Variants in FIP1L1 observed in about 807,000 individuals in gnomAD.
FIP1L1 encodes the protein pre-mRNA 3'-end-processing factor FIP1.
FIP1L1 carries 21 observed loss-of-function variants against 84.6 expected under a neutral mutation model. The observed-to-expected ratio is 0.25, with a 90% confidence interval of 0.18 to 0.36. The LOEUF (loss-of-function observed/expected upper bound fraction) is 0.36. Ranked by LOEUF, FIP1L1 falls within the 10% of genes least tolerant of loss-of-function variation. The probability of loss-of-function intolerance (pLI) is 1.00; values close to 1 mark genes in which losing one functional copy is unlikely to be tolerated. For synonymous variants in FIP1L1, 263 were observed against 242.3 expected (o/e 1.09, Z -0.80); for missense variants, 526 against 751.1 (o/e 0.70, Z 3.50).
Position 53,444,066 on chromosome 4 carries a change from T to C in FIP1L1, c.1248T>C (p.Tyr416=), listed in dbSNP as rs943412381. Residue 416 remains tyrosine, a synonymous_variant, in exon 15 of 18, where the codon TAT becomes TAC. Coordinates refer to ENST00000337488, the MANE Select transcript of FIP1L1 (RefSeq NM_030917.4). ...TCAACAGTGGACATTCCTCTGGTTA[T>C]GATAGTCGTTCTGCACGTGCATTTC... ...PTIESGHSSG[Y]DSRSARAFPY... 15 of 1,607,474 alleles carry C rather than the reference T, an allele frequency of 9.3e-6. No homozygotes were observed. The highest frequency in any genetic ancestry group is 1.7e-4 in the Middle Eastern group (1 of 6,036).
Position 53,425,981 on chromosome 4 carries a change from A to G in FIP1L1, c.1017+16A>G, listed in dbSNP as rs756262146. 5.1e-6 allele frequency: 8 copies of G among 1,566,280 alleles called. No individual in the cohort carries two copies. In the East Asian group the frequency reaches 1.6e-4, roughly 32 times the overall value. On this transcript the variant is annotated intron_variant, in intron 12 of 17. Transcript: ENST00000337488. Reference sequence around the variant, plus strand: ...CAACATACAGGTTTAGTATTTTAAAATAAATAATTTTCTTTAACTGAAGGA... The same window carrying G: ...CAACATACAGGTTTAGTATTTTAAAGTAAATAATTTTCTTTAACTGAAGGA...
At position 53,389,821 on chromosome 4, in the gene FIP1L1, A is replaced by G. The variant is rs762735943; in HGVS notation, c.345A>G (p.Thr115=). ...TGTTTGTTTTTAGGAGTTATGGTAC[A>G]GCACCTGTAAATCTTAACATCAAGA... ...TGAPQYGSYG[T]APVNLNIKTG... The change falls in exon 6 of 18, where the codon ACA becomes ACG. Residue 115 remains threonine, a synonymous_variant. Coordinates refer to ENST00000337488, the MANE Select transcript of FIP1L1 (RefSeq NM_030917.4). The G allele has an allele frequency of 2.5e-6, 4 of 1,603,924 alleles. No individual in the cohort carries two copies. The highest frequency in any genetic ancestry group is 3.4e-6 in the Non-Finnish European group (4 of 1,176,838).
At chr4:53,414,776 G>A (rs1016030982) in intron 11 of FIP1L1, 54 bp downstream of exon 11, 45 of 1,136,450 alleles carry the variant, frequency 4.0e-5, no homozygotes, top group African/African-American at 2.6e-4. Context: ...CATCAATGTT[G>A]TTATGCCTTA....
intron 8 of FIP1L1, 141 bp from the exon 9 acceptor site, chr4:53,391,289 C>T: frequency 2.5e-6 from 3 of 1,183,298 alleles, no homozygotes; most frequent in South Asian, 3.0e-5. Flanking sequence ...TCCCTTCCCT[C>T]CCTTTTAGAG....
At chr4:53,411,361 A>T (rs1471985519) in intron 10 of FIP1L1, among the ~76,000 whole-genome samples, 1 of 152,222 alleles carries the variant, frequency 6.6e-6, no homozygotes, top group South Asian at 2.1e-4. Context: ...TAAGTTGTCA[A>T]TACTGTCACT....
intron 11 of FIP1L1, among the ~76,000 whole-genome samples, chr4:53,424,510 A>C (rs6554105): frequency 0.56 from 84,434 of 151,826 alleles, 25,299 homozygotes; most frequent in Non-Finnish European, 0.67. Context: ...TCAGGCATAA[A>C]ATTAGAAAGG....
At chr4:53,453,953 C>T (rs1302716130) in intron 16 of FIP1L1, among the ~76,000 whole-genome samples, 1 of 152,114 alleles carries the variant, frequency 6.6e-6, no homozygotes, top group Non-Finnish European at 1.5e-5. Context: ...CAAATTTTTA[C>T]TTCTGTACCA....
At chr4:53,385,301 ATTTTTTTGGATTATGGATGGGACC>A (rs1260013564) in intron 5 of FIP1L1, among the ~76,000 whole-genome samples, 5 of 152,138 alleles carry the variant, frequency 3.3e-5, no homozygotes, top group Non-Finnish European at 4.4e-5. Context: ...GCAAATGACA[ATTTTTTTGGATTATGGATGGGACC>A]TTTTTTTGGT....
chr4:53,432,940 A>G (rs1464575455), intron 13 of FIP1L1, among the ~76,000 whole-genome samples: 1 of 152,100 alleles, frequency 6.6e-6, no homozygotes, highest in Non-Finnish European at 1.5e-5. Context: ...TGGGTAGGGA[A>G]GTTAGGGAGA....
chr4:53,393,021 T>C (rs1241461994), intron 9 of FIP1L1, among the ~76,000 whole-genome samples: 1 of 152,200 alleles, frequency 6.6e-6, no homozygotes, highest in Non-Finnish European at 1.5e-5. Flanking sequence ...TCTTTATGTA[T>C]ATTGTGGTCC....
At chr4:53,405,852 T>C (rs1753107751) in intron 10 of FIP1L1, among the ~76,000 whole-genome samples, 2 of 151,950 alleles carry the variant, frequency 1.3e-5, no homozygotes, top group Non-Finnish European at 2.9e-5. Context: ...TTTTGCACAT[T>C]GATTTTGTAT....
At position 53,422,697 on chromosome 4, in the gene FIP1L1, G is replaced by GAT. The variant is rs1013160752; in HGVS notation, c.924-3164_924-3163dup. ...TTGGCTTCCAAGAAAAAGCAGCTGA[G>GAT]ATATATATATATGTATATATATATA... On this transcript the variant is annotated intron_variant, in intron 11 of 17. Coordinates refer to ENST00000337488, the MANE Select transcript of FIP1L1 (RefSeq NM_030917.4). Among the ~76,000 whole-genome samples, 87 of 150,470 alleles carry GAT rather than the reference G, an allele frequency of 5.8e-4. 1 individual carries two copies. Among genetic ancestry groups the GAT allele is most frequent in the African/African-American group, 1.6e-3 (65 of 41,036 alleles).
intron 9 of FIP1L1, among the ~76,000 whole-genome samples, chr4:53,395,647 G>A (rs1345107659): frequency 1.3e-5 from 2 of 152,168 alleles, no homozygotes. Flanking sequence ...GATTCCCAAA[G>A]ACAGTCAAGT....
intron 9 of FIP1L1, among the ~76,000 whole-genome samples, chr4:53,394,680 T>C (rs1276701066): frequency 2.0e-5 from 3 of 152,092 alleles, no homozygotes; most frequent in Non-Finnish European, 2.9e-5. Flanking sequence ...GTTCTAAATT[T>C]TGTTGCTTTC....
At chr4:53,437,972 G>T (rs1490636062) in intron 13 of FIP1L1, among the ~76,000 whole-genome samples, 1 of 152,002 alleles carries the variant, frequency 6.6e-6, no homozygotes, top group Non-Finnish European at 1.5e-5. Context: ...TGATCTACCT[G>T]CCTTGGCCTC....
chr4:53,449,504 A>T (rs897636043), intron 15 of FIP1L1, among the ~76,000 whole-genome samples: 8 of 152,164 alleles, frequency 5.3e-5, no homozygotes, highest in African/African-American at 1.9e-4. Flanking sequence ...CTAGATAAAC[A>T]CTGATAATGT....
chr4:53,417,653 A>AG (rs1368430110), intron 11 of FIP1L1, among the ~76,000 whole-genome samples: 1 of 150,272 alleles, frequency 6.7e-6, no homozygotes, highest in East Asian at 1.9e-4. Flanking sequence ...AAAAAAAAAA[A>AG]AAAAAAAAAA....
chr4:53,443,890 AC>A (rs112583429), intron 14 of FIP1L1, among the ~76,000 whole-genome samples, 157 bp from the exon 15 acceptor site: 80 of 152,150 alleles, frequency 5.3e-4, no homozygotes, highest in Admixed American at 1.1e-3. Context: ...GTTAAAAAAA[AC>A]CCCATGTTTT....
chr4:53,425,503 A>G (rs1206060891), intron 11 of FIP1L1, among the ~76,000 whole-genome samples: 1 of 152,060 alleles, frequency 6.6e-6, no homozygotes, highest in Non-Finnish European at 1.5e-5. Context: ...GAGCTGTAGT[A>G]TGTGTTACAA....
Sources: allele counts gnomAD v4.1 joint callset (sites outside exome capture counted in the v4.1 genomes callset), GRCh38; gene constraint gnomAD v4.1.1; transcripts MANE v1.5; gene names NCBI Gene and HGNC (gene_info 2026-07-23, HGNC 2026-07-21).